Variants in SLC24A3 observed in about 807,000 individuals in gnomAD.
SLC24A3 encodes the protein sodium/potassium/calcium exchanger 3.
A neutral mutation model predicts 75.8 loss-of-function variants in SLC24A3; 28 were observed. That is an observed-to-expected ratio of 0.37 (90% confidence interval 0.27 to 0.51). The LOEUF (loss-of-function observed/expected upper bound fraction) is 0.51. Ranked by LOEUF, SLC24A3 falls within the 20% of genes least tolerant of loss-of-function variation. SLC24A3 has a pLI of 0.94. For synonymous variants in SLC24A3, 372 were observed against 334.1 expected, an observed-to-expected ratio of 1.11 and a Z score of -1.24; for missense variants, 663 against 847.8, an observed-to-expected ratio of 0.78 and a Z score of 2.71.
At chr20:19,573,071 A>G (rs2122624050) in intron 3 of SLC24A3, among the ~76,000 whole-genome samples, 1 of 152,322 alleles carries the variant, frequency 6.6e-6, no homozygotes, top group East Asian at 1.9e-4. Flanking sequence ...TTGCTTCTCC[A>G]CAACACCTTC....
intron 8 of SLC24A3, among the ~76,000 whole-genome samples, chr20:19,671,193 C>A (rs1232173617): frequency 6.6e-6 from 1 of 152,072 alleles, no homozygotes; most frequent in Non-Finnish European, 1.5e-5. Flanking sequence ...GGAGTGAAGG[C>A]AAAGCCATTC....
chr20:19,310,522 G>A (rs1387095509), intron 2 of SLC24A3, among the ~76,000 whole-genome samples: 2 of 152,216 alleles, frequency 1.3e-5, no homozygotes, highest in Non-Finnish European at 2.9e-5. Flanking sequence ...CATGAGGACT[G>A]TCTATTCTCT....
intron 15 of SLC24A3, among the ~76,000 whole-genome samples, chr20:19,712,005 G>T (rs1270851102): frequency 6.6e-6 from 1 of 152,072 alleles, no homozygotes; most frequent in Admixed American, 6.5e-5. Flanking sequence ...GGAGTGCAGT[G>T]GTGGGATCAC....
chr20:19,498,490 G>A (rs1052594399), intron 2 of SLC24A3, among the ~76,000 whole-genome samples: 5 of 149,296 alleles, frequency 3.3e-5, no homozygotes, highest in Non-Finnish European at 7.4e-5. Context: ...ACTGCCTCCT[G>A]CAGTCCTTCT....
At chr20:19,598,391 C>T (rs76162612) in intron 6 of SLC24A3, among the ~76,000 whole-genome samples, 3,666 of 152,206 alleles carry the variant, frequency 0.024, 70 homozygotes, top group Middle Eastern at 0.048. Context: ...ACCACGTGTC[C>T]GGCTTTCACT....
chr20:19,404,501 C>A (rs757262020), intron 2 of SLC24A3, among the ~76,000 whole-genome samples: 1 of 152,182 alleles, frequency 6.6e-6, no homozygotes, highest in African/African-American at 2.4e-5. Context: ...CAAGAAATCC[C>A]CTGGAGCCTA....
intron 2 of SLC24A3, among the ~76,000 whole-genome samples, chr20:19,367,575 G>A (rs956166507): frequency 5.3e-5 from 8 of 151,980 alleles, no homozygotes; most frequent in Admixed American, 1.3e-4. Flanking sequence ...AAGAGGTGGC[G>A]TCACAGTTGT....
chr20:19,485,123 A>G (rs532953327), intron 2 of SLC24A3, among the ~76,000 whole-genome samples: 2 of 152,158 alleles, frequency 1.3e-5, no homozygotes, highest in African/African-American at 4.8e-5. Context: ...ATTTCTGTCA[A>G]TTTTTTTTAA....
At chr20:19,467,712 C>A (rs1360024313) in intron 2 of SLC24A3, among the ~76,000 whole-genome samples, 1 of 152,070 alleles carries the variant, frequency 6.6e-6, no homozygotes, top group Non-Finnish European at 1.5e-5. Flanking sequence ...GAAACCCCAT[C>A]TCCACTAAAA....
At position 19,438,283 on chromosome 20, in the gene SLC24A3, G is replaced by A. The variant is rs183425714; in HGVS notation, c.272-77205G>A. On this transcript the variant is annotated intron_variant, in intron 2 of 16. Coordinates refer to ENST00000328041, the MANE Select transcript of SLC24A3 (RefSeq NM_020689.4). ...TTTCACCACTTCAGGGCAGTAAATT[G>A]AACTTTGAAAAGGGCACCTTTCCTT... 3.0e-3 allele frequency among the ~76,000 whole-genome samples: 460 copies of A among 152,286 alleles called. 6 individuals carry two copies. The highest frequency in any genetic ancestry group is 0.011 in the African/African-American group (439 of 41,560).
chr20:19,524,036 C>T (rs372707244), intron 3 of SLC24A3, among the ~76,000 whole-genome samples: 2 of 152,156 alleles, frequency 1.3e-5, no homozygotes, highest in African/African-American at 4.8e-5. Context: ...AATGCCTGTT[C>T]CCTCTCGCTT....
At chr20:19,544,335 G>T (rs185741855) in intron 3 of SLC24A3, among the ~76,000 whole-genome samples, 3 of 152,318 alleles carry the variant, frequency 2.0e-5, no homozygotes, top group Admixed American at 2.0e-4. Context: ...TGAAAAGTGA[G>T]AAATAGACCA....
chr20:19,476,357 G>A (rs911157053), intron 2 of SLC24A3, among the ~76,000 whole-genome samples: 31 of 152,206 alleles, frequency 2.0e-4, no homozygotes, highest in African/African-American at 7.2e-4. Context: ...TCTTCCTGCT[G>A]TGCAATATTA....
chr20:19,521,243 G>C (rs1322014406), intron 3 of SLC24A3, among the ~76,000 whole-genome samples: 2 of 152,132 alleles, frequency 1.3e-5, no homozygotes, highest in Admixed American at 6.5e-5. Context: ...CACTTGCCCT[G>C]CTTCTTCAGT....
At chr20:19,309,077 T>C in intron 2 of SLC24A3, among the ~76,000 whole-genome samples, 1 of 152,226 alleles carries the variant, frequency 6.6e-6, no homozygotes, top group Non-Finnish European at 1.5e-5. Flanking sequence ...CAGGGCCTCC[T>C]TTTTTGTTGT....
chr20:19,260,859 T>C (rs1437498332), intron 1 of SLC24A3, among the ~76,000 whole-genome samples: 1 of 152,194 alleles, frequency 6.6e-6, no homozygotes, highest in African/African-American at 2.4e-5. Flanking sequence ...ACCGACACGC[T>C]CCTCTTACTC....
intron 2 of SLC24A3, among the ~76,000 whole-genome samples, chr20:19,453,765 C>T (rs1487259716): frequency 6.6e-6 from 1 of 152,192 alleles, no homozygotes; most frequent in Non-Finnish European, 1.5e-5. Flanking sequence ...TGGTGTCACC[C>T]CCATTGGAGC....
intron 3 of SLC24A3, among the ~76,000 whole-genome samples, chr20:19,558,421 C>T (rs1370598423): frequency 6.6e-6 from 1 of 152,062 alleles, no homozygotes. Flanking sequence ...TACATAATCA[C>T]AGTGCAATTA....
intron 2 of SLC24A3, among the ~76,000 whole-genome samples, chr20:19,478,680 C>T (rs753016812): frequency 6.6e-6 from 1 of 152,128 alleles, no homozygotes; most frequent in Non-Finnish European, 1.5e-5. Flanking sequence ...TGACCACACT[C>T]GAGAGCTTTT....
Sources: allele counts gnomAD v4.1 joint callset (sites outside exome capture counted in the v4.1 genomes callset), GRCh38; gene constraint gnomAD v4.1.1; transcripts MANE v1.5; gene names NCBI Gene and HGNC (gene_info 2026-07-23, HGNC 2026-07-21).